COMMD10: variants seen among roughly 807,000 people sequenced by gnomAD.
COMMD10 encodes COMM domain-containing protein 10.
In COMMD10, 33 loss-of-function variants were observed where a neutral mutation model predicts 28.9. That is an observed-to-expected ratio of 1.14 (90% confidence interval 0.87 to 1.53). The LOEUF (loss-of-function observed/expected upper bound fraction) is 1.53, where lower values mean the gene tolerates loss of function less well. Ranked by LOEUF, COMMD10 falls within the 40% of genes most tolerant of loss-of-function variation. The pLI, the probability that COMMD10 is intolerant of heterozygous loss-of-function variation, is 0.00. For missense variants in COMMD10, 310 were observed against 233.4 expected, an observed-to-expected ratio of 1.33 and a Z score of -2.14; for synonymous variants, 110 against 81.7, an observed-to-expected ratio of 1.35 and a Z score of -1.87.
chr5:116,149,059 T>A (rs149153759), intron 5 of COMMD10, among the ~76,000 whole-genome samples: 16,138 of 138,448 alleles, frequency 0.12, 1,351 homozygotes, highest in African/African-American at 0.24. Flanking sequence ...TGTCCATGTG[T>A]TCTCATTGTT....
At chr5:116,255,761 G>A (rs1341318289) in intron 5 of COMMD10, 1 of 134,252 alleles carries the variant, frequency 7.4e-6, no homozygotes, top group Non-Finnish European at 1.5e-5. Context: ...ATATCTTACA[G>A]GCAAAAAAGA....
intron 4 of COMMD10, among the ~76,000 whole-genome samples, chr5:116,104,928 C>A (rs1750789805): frequency 6.6e-6 from 1 of 152,142 alleles, no homozygotes; most frequent in Non-Finnish European, 1.5e-5. Context: ...CTCCTCTTTT[C>A]CTAATTGAAT....
At chr5:116,165,709 T>TA (rs60289270) in intron 5 of COMMD10, among the ~76,000 whole-genome samples, 11,493 of 152,006 alleles carry the variant, frequency 0.076, 879 homozygotes, top group African/African-American at 0.19. Flanking sequence ...TCTTTTTTCT[T>TA]ACCTTGTTAT....
At chr5:116,153,332 G>C (rs540053016) in intron 5 of COMMD10, among the ~76,000 whole-genome samples, 2 of 152,010 alleles carry the variant, frequency 1.3e-5, no homozygotes, top group East Asian at 3.9e-4. Context: ...GGGGGCATCT[G>C]ATTTCTTCAT....
At chr5:116,207,173 T>C (rs1387068279) in intron 5 of COMMD10, among the ~76,000 whole-genome samples, 2 of 152,178 alleles carry the variant, frequency 1.3e-5, no homozygotes, top group Non-Finnish European at 2.9e-5. Context: ...ATATTCAATC[T>C]AGAATATTTG....
intron 5 of COMMD10, among the ~76,000 whole-genome samples, chr5:116,249,968 AAT>A (rs1408948132): frequency 1.3e-5 from 2 of 151,926 alleles, no homozygotes; most frequent in African/African-American, 2.4e-5. Flanking sequence ...TCATAAAGTT[AAT>A]ATGTTTCCAG....
chr5:116,272,473 A>C lies in COMMD10; in HGVS notation c.511-19044A>C, dbSNP rs138498224. On this transcript the variant is annotated intron_variant, in intron 5 of 6. Transcript: ENST00000274458. Reference sequence around the variant, plus strand: ...CTCTCAAAACACTTTCATAATAAGCAGATGTTATCATTCTTTGGCCTCCCA... The same window carrying C: ...CTCTCAAAACACTTTCATAATAAGCCGATGTTATCATTCTTTGGCCTCCCA... 1.8e-4 allele frequency among the ~76,000 whole-genome samples: 28 copies of C among 152,010 alleles called. No homozygotes were observed. The East Asian group carries it at 5.2e-3, about 28-fold the overall frequency.
intron 5 of COMMD10, among the ~76,000 whole-genome samples, chr5:116,203,041 T>A (rs901710397): frequency 3.3e-5 from 5 of 151,958 alleles, no homozygotes; most frequent in Non-Finnish European, 7.4e-5. Context: ...AAGTCTTGAA[T>A]CCATCTTGAA....
In COMMD10 at chr5:116,085,320, T is replaced by G. The variant is rs1051311453; in HGVS notation, c.41+227T>G. On this transcript the variant is annotated intron_variant, in intron 1 of 6. Transcript: ENST00000274458. ...CCACCTGTGGGGCTCACAGTGCGCCTGGCAGCTGAGGTCTGTACGGAAGCG... is the reference window on the plus strand; with the variant it reads ...CCACCTGTGGGGCTCACAGTGCGCCGGGCAGCTGAGGTCTGTACGGAAGCG... The G allele has an allele frequency of 1.3e-5, 7 of 558,734 alleles. No individual in the cohort carries two copies. In the African/African-American group the frequency reaches 1.4e-4, roughly 11 times the overall value. The allele number at this position is 558,734 out of a possible 1,614,324, so 34.6% of individuals were successfully genotyped here.
At chr5:116,239,356 G>A (rs1749757037) in intron 5 of COMMD10, among the ~76,000 whole-genome samples, 1 of 152,152 alleles carries the variant, frequency 6.6e-6, no homozygotes, top group Non-Finnish European at 1.5e-5. Flanking sequence ...ATTTGTGAGA[G>A]TTATTAGAAT....
chr5:116,255,147 C>T (rs1031163166), intron 5 of COMMD10, among the ~76,000 whole-genome samples: 32 of 151,776 alleles, frequency 2.1e-4, no homozygotes, highest in Non-Finnish European at 4.4e-4. Context: ...TTTCCATTTG[C>T]TTGGTAGATC....
chr5:116,154,873 C>A (rs1210869503), intron 5 of COMMD10, among the ~76,000 whole-genome samples: 1 of 151,858 alleles, frequency 6.6e-6, no homozygotes, highest in Admixed American at 6.6e-5. Flanking sequence ...GTAATAATCT[C>A]AGAGACAAGG....
rs566495402 is a variant in COMMD10, at chr5:116,113,140, G to A, written c.399+20440G>A. ...TTTTCTTTCACACTTTGATTATGTC[G>A]TCACATTTTTTCCTGCCTTGTAAGG... On this transcript the variant is annotated intron_variant, in intron 4 of 6. Coordinates refer to ENST00000274458, the MANE Select transcript of COMMD10 (RefSeq NM_016144.4). Among the ~76,000 whole-genome samples the A allele has an allele frequency of 7.2e-5, 11 of 152,138 alleles. No individual in the cohort carries two copies. The South Asian group carries it at 1.9e-3, about 26-fold the overall frequency.
intron 4 of COMMD10, among the ~76,000 whole-genome samples, chr5:116,095,640 G>A (rs1366288856): frequency 6.6e-6 from 1 of 151,534 alleles, no homozygotes; most frequent in African/African-American, 2.4e-5. Context: ...GATGAAATCT[G>A]TTGTATTTTT....
intron 5 of COMMD10, among the ~76,000 whole-genome samples, chr5:116,176,113 C>T (rs1190715646): frequency 6.6e-6 from 1 of 151,934 alleles, no homozygotes; most frequent in Admixed American, 6.6e-5. Context: ...TGGACTTATT[C>T]ACTGTTTGTT....
chr5:116,242,680 C>A (rs778165879), intron 5 of COMMD10, among the ~76,000 whole-genome samples: 4 of 152,086 alleles, frequency 2.6e-5, no homozygotes, highest in Non-Finnish European at 5.9e-5. Flanking sequence ...TCCAGCCCTC[C>A]TACTTCTGCT....
At chr5:116,152,026 G>A (rs527611796) in intron 5 of COMMD10, among the ~76,000 whole-genome samples, 1 of 152,162 alleles carries the variant, frequency 6.6e-6, no homozygotes, top group South Asian at 2.1e-4. Flanking sequence ...ACACTGCTTT[G>A]AATGTGTCCC....
At chr5:116,154,671 T>G (rs1268377453) in intron 5 of COMMD10, among the ~76,000 whole-genome samples, 1 of 151,454 alleles carries the variant, frequency 6.6e-6, no homozygotes, top group Admixed American at 6.6e-5. Flanking sequence ...ATAGGCCACC[T>G]TTATTCATCA....
intron 5 of COMMD10, among the ~76,000 whole-genome samples, chr5:116,213,449 G>T (rs1294478528): frequency 2.0e-5 from 3 of 152,122 alleles, no homozygotes; most frequent in Non-Finnish European, 2.9e-5. Flanking sequence ...TTAAGGATCT[G>T]TGTAAAGATT....
Sources: allele counts gnomAD v4.1 joint callset (sites outside exome capture counted in the v4.1 genomes callset), GRCh38; gene constraint gnomAD v4.1.1; transcripts MANE v1.5; gene names NCBI Gene and HGNC (gene_info 2026-07-23, HGNC 2026-07-21).